The following ZNF577 variants were observed in gnomAD, a reference collection of about 807,000 sequenced individuals.
The protein encoded by ZNF577 is zinc finger protein 577.
A neutral mutation model predicts 13.9 loss-of-function variants in ZNF577; 14 were observed. That is an observed-to-expected ratio of 1.00 (90% CI 0.66 to 1.57). The LOEUF (loss-of-function observed/expected upper bound fraction) is 1.57, where lower values mean the gene tolerates loss of function less well. ZNF577 is among the 40% of genes most tolerant of loss of function. The pLI is 0.00. For missense variants in ZNF577, 555 were observed against 579.2 expected, an observed-to-expected ratio of 0.96 and a Z score of 0.43; for synonymous variants, 203 against 202.9, an observed-to-expected ratio of 1.00 and a Z score of 0.00.
At chr19:51,818,858 G>C (rs1302943498) in intron 9 of ZNF577, among the ~76,000 whole-genome samples, 1 of 152,154 alleles carries the variant, frequency 6.6e-6, no homozygotes, top group African/African-American at 2.4e-5. Context: ...GAAGAGTGCT[G>C]AGAAGAATAA....
intron 5 of ZNF577, among the ~76,000 whole-genome samples, chr19:51,858,693 T>TA (rs144469062): frequency 3.5e-3 from 526 of 151,278 alleles, no homozygotes; most frequent in African/African-American, 0.012. Context: ...CACATGGAGG[T>TA]AAAAAAAAAC....
At chr19:51,865,758 G>C (rs1213528309), downstream of ZNF577, among the ~76,000 whole-genome samples, 1 of 152,112 alleles carries the variant, frequency 6.6e-6, no homozygotes, top group Admixed American at 6.5e-5. Context: ...CTCCCATCTT[G>C]TTGGTTCTCA....
At chr19:51,885,221 C>T (rs779030288) in intron 1 of ZNF577, among the ~76,000 whole-genome samples, 1 of 152,102 alleles carries the variant, frequency 6.6e-6, no homozygotes, top group South Asian at 2.1e-4. Context: ...ACAGCCACAC[C>T]CATTTGTTTA....
rs2084588919 is a variant in ZNF577 at position 51,867,768 on chromosome 19, G to A, written c.*4764C>T. Reference sequence around the variant, plus strand: ...CCACTGCACTCCAGCCTGGGCAAAAGAGCGAAACTCCATCTCAAATAAACA... The same window carrying A: ...CCACTGCACTCCAGCCTGGGCAAAAAAGCGAAACTCCATCTCAAATAAACA... On this transcript the variant is annotated 3_prime_UTR_variant, in exon 6 of 6. Transcript: ENST00000638348. Among the ~76,000 whole-genome samples the A allele has an allele frequency of 6.6e-6, 1 of 152,100 alleles. No homozygotes were observed. Among genetic ancestry groups the A allele is most frequent in the South Asian group, 2.1e-4 (1 of 4,812 alleles).
intron 9 of ZNF577, among the ~76,000 whole-genome samples, chr19:51,812,501 T>C (rs1207948341): frequency 1.3e-5 from 2 of 152,210 alleles, no homozygotes; most frequent in Non-Finnish European, 2.9e-5. Flanking sequence ...CTGGTAAACA[T>C]TTTGCTCTCA....
intron 5 of ZNF577, chr19:51,861,881 C>T (rs1394151079): frequency 6.6e-6 from 1 of 152,344 alleles, no homozygotes. Flanking sequence ...ACACATGCTA[C>T]ATTTGAGGAG....
At chr19:51,840,991 T>C (rs1338837913) in intron 8 of ZNF577, 1 of 152,218 alleles carries the variant, frequency 6.6e-6, no homozygotes, top group Non-Finnish European at 1.5e-5. Context: ...CTATATCTCC[T>C]GCCTTTGACC....
chr19:51,838,494 AAT>A, intron 9 of ZNF577, among the ~76,000 whole-genome samples: 1 of 150,484 alleles, frequency 6.6e-6, no homozygotes, highest in South Asian at 2.1e-4. Flanking sequence ...TATAATAAAA[AAT>A]TTTTTTTTAA....
chr19:51,882,740 G>A (rs544843605), intron 1 of ZNF577, among the ~76,000 whole-genome samples: 29 of 151,982 alleles, frequency 1.9e-4, no homozygotes, highest in Admixed American at 5.2e-4. Flanking sequence ...GTTTATGACC[G>A]CATCACTGCA....
chr19:51,880,373 C>G lies in ZNF577; in HGVS notation c.10G>C (p.Ala4Pro). Residue 4 changes from alanine (A) to proline (P), a missense_variant, in exon 3 of 6, where the codon GCC becomes CCC. Physicochemically the swap from Ala to Pro is conservative, Grantham distance 27. Coordinates refer to ENST00000638348, the MANE Select transcript of ZNF577 (RefSeq NM_001370449.1). MKN[A>P]TIVMSVRREQ... ...CTCCTCACAGACATTACAATCGTGG[C>G]ATTTTTCATGTGTTTCCTGTTATTT... 1 of 1,614,092 alleles carries G rather than the reference C, an allele frequency of 6.2e-7. No homozygotes were observed. The highest frequency in any genetic ancestry group is 1.1e-5 in the South Asian group (1 of 91,082).
chr19:51,853,148 A>G (rs1020305154), intron 5 of ZNF577, among the ~76,000 whole-genome samples: 7 of 152,072 alleles, frequency 4.6e-5, no homozygotes, highest in African/African-American at 1.2e-4. Flanking sequence ...TGTTGCCCAG[A>G]CTGGTCTCGA....
downstream of ZNF577, among the ~76,000 whole-genome samples, chr19:51,864,773 T>C (rs866047284): frequency 3.9e-5 from 6 of 152,204 alleles, no homozygotes; most frequent in Admixed American, 6.5e-5. Context: ...CATCAACATA[T>C]AAATAGCATT....
Position 51,870,731 on chromosome 19 carries a change from C to A in ZNF577, c.*1801G>T, listed in dbSNP as rs1009951446. The stretch of plus-strand genomic sequence containing the variant: ...AATAATCCAATTCATGAATTTGGGC[C>A]ACCTTGAATTCCTCAAACCCTAAAC... On this transcript the variant is annotated 3_prime_UTR_variant, in exon 6 of 6. Coordinates refer to ENST00000638348, the MANE Select transcript of ZNF577 (RefSeq NM_001370449.1). Among the ~76,000 whole-genome samples the A allele has an allele frequency of 6.6e-6, 1 of 152,090 alleles. No homozygotes were observed. Among genetic ancestry groups the A allele is most frequent in the African/African-American group, 2.4e-5 (1 of 41,400 alleles).
At chr19:51,833,812 G>T (rs1035356429) in intron 9 of ZNF577, among the ~76,000 whole-genome samples, 1 of 152,128 alleles carries the variant, frequency 6.6e-6, no homozygotes, top group African/African-American at 2.4e-5. Context: ...GGAATTTTGG[G>T]AAGTGGTCAG....
At chr19:51,834,817 G>A (rs1817210394) in intron 9 of ZNF577, among the ~76,000 whole-genome samples, 1 of 152,126 alleles carries the variant, frequency 6.6e-6, no homozygotes, top group Admixed American at 6.5e-5. Context: ...CTGAATGGCT[G>A]AGGTTATAGG....
intron 5 of ZNF577, among the ~76,000 whole-genome samples, chr19:51,851,952 C>T (rs1183858037): frequency 6.6e-6 from 1 of 152,228 alleles, no homozygotes; most frequent in Admixed American, 6.5e-5. Context: ...CCTGCCACAT[C>T]CCCAAGTCAC....
intron 10 of ZNF577, among the ~76,000 whole-genome samples, chr19:51,805,579 G>T (rs1479559946): frequency 6.6e-6 from 1 of 152,164 alleles, no homozygotes; most frequent in Non-Finnish European, 1.5e-5. Flanking sequence ...CGCAATTGCC[G>T]CTGCAACTGC....
intron 5 of ZNF577, among the ~76,000 whole-genome samples, chr19:51,851,013 AT>A (rs1047356023): frequency 6.6e-6 from 1 of 152,232 alleles, no homozygotes; most frequent in Non-Finnish European, 1.5e-5. Flanking sequence ...AAAATAAGAG[AT>A]CACCATTTAA....
chr19:51,884,933 T>C (rs1430848958), intron 1 of ZNF577, among the ~76,000 whole-genome samples: 3 of 152,232 alleles, frequency 2.0e-5, no homozygotes, highest in African/African-American at 7.2e-5. Flanking sequence ...TATTCTATGG[T>C]GAATAAATCA....
Sources: gnomAD v4.1 joint callset for allele counts (sites outside exome capture counted in the v4.1 genomes callset) on GRCh38, gnomAD v4.1.1 for gene constraint, MANE v1.5 for transcripts, NCBI Gene and HGNC (gene_info 2026-07-23, HGNC 2026-07-21) for gene names.